ZNF24: variants seen among roughly 807,000 people sequenced by gnomAD.
ZNF24 encodes retinoic acid suppression protein A.
A neutral mutation model predicts 40.9 loss-of-function variants in ZNF24; 11 were observed. The observed-to-expected ratio is 0.27, with a 90% CI of 0.17 to 0.45. ZNF24 has a LOEUF of 0.45. Ranked by LOEUF, ZNF24 falls within the 20% of genes least tolerant of loss-of-function variation. ZNF24 has a pLI of 1.00. For synonymous variants in ZNF24, 139 were observed against 154.7 expected (o/e 0.90, Z 0.75); for missense variants, 293 against 437.7 (o/e 0.67, Z 2.95).
Position 35,340,345 on chromosome 18 carries a change from G to A in ZNF24, c.306C>T (p.Ala102=), listed in dbSNP as rs759113510. The change falls in exon 2 of 4, where the codon GCC becomes GCT. Residue 102 remains alanine, a synonymous_variant. Coordinates refer to ENST00000261332, the MANE Select transcript of ZNF24 (RefSeq NM_006965.4). The surrounding 1 kb of genome is among the most constrained non-coding windows in gnomAD (Gnocchi z 4.6). ...AAGTCTGTAGCTCTTTGGGTAGGAT[G>A]GCAACAAACTGCTCCAGCACTACCA... ...LELVVLEQFV[A]ILPKELQTWV... is the part of the protein sequence containing the mutation. 2 of 1,614,182 alleles carry A rather than the reference G, an allele frequency of 1.2e-6. No homozygotes were observed. The highest frequency in any genetic ancestry group is 1.7e-6 in the Non-Finnish European group (2 of 1,180,022).
chr18:35,338,429 A>T, intron 3 of ZNF24: 2 of 985,462 alleles, frequency 2.0e-6, no homozygotes, highest in Non-Finnish European at 2.4e-6. Flanking sequence ...GGTACTTAGA[A>T]AAATCGTTAT....
rs2143844926 is a variant in ZNF24 at position 35,334,508 on chromosome 18, GTATGAC to G, written c.*2718_*2723del. ...TTGCTAAAGATCAAGTACCAACTGG[GTATGAC>G]TACAGAGAGCTTAACCTCCAAGAAA... is the stretch of plus-strand genomic sequence containing the variant. On this transcript the variant is annotated 3_prime_UTR_variant, in exon 4 of 4. Transcript: ENST00000261332. 6.6e-6 allele frequency: 1 copy of G among 152,238 alleles called. No homozygotes were observed. The highest frequency in any genetic ancestry group is 1.9e-4 in the East Asian group (1 of 5,180). The allele number at this position is 152,238 out of a possible 1,614,324, so 9.4% of individuals were successfully genotyped here.
Position 35,332,367 on chromosome 18 carries a change from A to T in ZNF24, c.*4865T>A, listed in dbSNP as rs1055166917. 1.3e-5 allele frequency: 2 copies of T among 152,244 alleles called. No individual in the cohort carries two copies. The highest frequency in any genetic ancestry group is 2.4e-5 in the African/African-American group (1 of 41,462). The allele number at this position is 152,244 out of a possible 1,614,324, so 9.4% of individuals were successfully genotyped here. ...AACAGAAACTCAATTCAATTATCTT[A>T]AACAAGAAAGGGACTTTATTGGCTC... is the stretch of plus-strand genomic sequence containing the variant. On this transcript the variant is annotated 3_prime_UTR_variant, in exon 4 of 4. Transcript: ENST00000261332.
chr18:35,339,100 T>C, intron 3 of ZNF24: 1 of 1,500,364 alleles, frequency 6.7e-7, no homozygotes, highest in Non-Finnish European at 9.0e-7. Flanking sequence ...CAAAATTTCA[T>C]TTTAGTTCAC....
rs1292036137 is a variant in ZNF24, at chr18:35,340,857, A to AGGAATTG, written c.-83-131_-83-125dup. On this transcript the variant is annotated intron_variant, in intron 1 of 3. Transcript: ENST00000261332. The surrounding 1 kb of genome is among the most constrained non-coding windows in gnomAD (Gnocchi z 4.6). ...AAAATTCCAATCAATAACCTACACCAGGAATTGGCAAACTACAGCTTCACG... is the reference window on the plus strand; with the variant it reads ...AAAATTCCAATCAATAACCTACACCAGGAATTGGGAATTGGCAAACTACAGCTTCACG... 64 of 539,196 alleles carry AGGAATTG rather than the reference A, an allele frequency of 1.2e-4. No homozygotes were observed. The Middle Eastern group carries it at 2.0e-3, about 17-fold the overall frequency. 33.4% of individuals were successfully genotyped at this position (539,196 alleles called of 1,614,324 possible).
intron 1 of ZNF24, among the ~76,000 whole-genome samples, chr18:35,343,030 CTTTA>C (rs1279715549): frequency 6.6e-6 from 1 of 152,064 alleles, no homozygotes; most frequent in Non-Finnish European, 1.5e-5. Flanking sequence ...GGAAGGTTCG[CTTTA>C]TTATTATGTG....
chr18:35,339,728 A>G, intron 3 of ZNF24, 101 bp downstream of exon 3: 2 of 1,079,262 alleles, frequency 1.9e-6, no homozygotes, highest in Non-Finnish European at 2.6e-6. Flanking sequence ...TATTAGATTA[A>G]GAGTGATATG....
Position 35,340,299 on chromosome 18 carries a change from C to G in ZNF24, c.352G>C (p.Glu118Gln), listed in dbSNP as rs1020119808. 1.2e-6 allele frequency: 2 copies of G among 1,614,236 alleles called. No individual in the cohort carries two copies. Among genetic ancestry groups the G allele is most frequent in the Non-Finnish European group, 1.7e-6 (2 of 1,180,030 alleles). ...ACTGTCACTGCCTCCTCTCCATTCT[C>G]TGGATGATGATCTCGAACCCAAGTC... is the stretch of plus-strand genomic sequence containing the variant. ...LQTWVRDHHP[E>Q]NGEEAVTVLE... The change falls in exon 2 of 4, where the codon GAG (glutamate) becomes CAG (glutamine). Residue 118 changes from glutamate to glutamine, a missense_variant. Coordinates refer to ENST00000261332, the MANE Select transcript of ZNF24 (RefSeq NM_006965.4). This position sits in a 1 kb window ranked among gnomAD's most constrained non-coding sequence, Gnocchi z 4.6.
chr18:35,340,207 A>G lies in ZNF24; in HGVS notation c.420+24T>C. On this transcript the variant is annotated intron_variant, in intron 2 of 3. Transcript: ENST00000261332. The surrounding 1 kb of genome is among the most constrained non-coding windows in gnomAD (Gnocchi z 4.6). ...CTACCTATGCCAGTGCTTCTGACAC[A>G]GGAAATGACACAAGCAGGCTCACCG... is the stretch of plus-strand genomic sequence containing the variant. 2 of 1,603,010 alleles carry G rather than the reference A, an allele frequency of 1.2e-6. No homozygotes were observed. Among genetic ancestry groups the G allele is most frequent in the Non-Finnish European group, 1.7e-6 (2 of 1,171,520 alleles).
chr18:35,338,904 GCA>G, intron 3 of ZNF24: 1 of 1,429,218 alleles, frequency 7.0e-7, no homozygotes, highest in Non-Finnish European at 9.1e-7. Context: ...AAACTTTATT[GCA>G]CAGAAGAATG....
chr18:35,338,817 A>G, intron 3 of ZNF24: 1 of 1,344,388 alleles, frequency 7.4e-7, no homozygotes, highest in Non-Finnish European at 9.5e-7. Flanking sequence ...TAAGGAACGC[A>G]GGTGAAAAGT....
In ZNF24 at chr18:35,337,742, T is replaced by A. The variant is rs771986999; in HGVS notation, c.597A>T (p.Ala199=). The A allele has an allele frequency of 2.5e-6, 4 of 1,597,172 alleles. No individual in the cohort carries two copies. The highest frequency in any genetic ancestry group is 3.4e-6 in the Non-Finnish European group (4 of 1,173,930). Residue 199 remains alanine (A), a synonymous_variant, in exon 4 of 4, where the codon GCA becomes GCT. Transcript: ENST00000261332. The part of the protein sequence containing the change: ...CDDDGRTENG[A]LAPKQELPSA... ...AAGGAAGCTCCTGCTTTGGAGCTAG[T>A]GCTCCATTTTCAGTCCTACCATCAT...
intron 3 of ZNF24, chr18:35,338,244 C>T: frequency 1.0e-6 from 1 of 985,766 alleles, no homozygotes; most frequent in Non-Finnish European, 1.2e-6. Flanking sequence ...CAAGCCAAGT[C>T]AGGTCACAGC....
Position 35,340,571 on chromosome 18 carries a change from T to G in ZNF24, c.80A>C (p.Lys27Thr), listed in dbSNP as rs181928710. 6.2e-7 allele frequency: 1 copy of G among 1,614,198 alleles called. No homozygotes were observed. Among genetic ancestry groups the G allele is most frequent in the Admixed American group, 1.7e-5 (1 of 60,024 alleles). ...TTCGCCATCAGGATCCTCCTCCAAC[T>G]TCACTCTCAGAATTTTTTCCTCTTC... ...PDEEEKILRVKLEEDPDGEEG... is the reference protein window; with the variant it reads ...PDEEEKILRVTLEEDPDGEEG... The change falls in exon 2 of 4, where the codon AAG (lysine) becomes ACG (threonine). Residue 27 changes from lysine to threonine, a missense_variant. Transcript: ENST00000261332. The surrounding 1 kb of genome is among the most constrained non-coding windows in gnomAD (Gnocchi z 4.6).
chr18:35,335,353 A>G lies in ZNF24; in HGVS notation c.*1879T>C, dbSNP rs1031333503. 2 of 152,216 alleles carry G rather than the reference A, an allele frequency of 1.3e-5. No individual in the cohort carries two copies. Among genetic ancestry groups the G allele is most frequent in the African/African-American group, 4.8e-5 (2 of 41,456 alleles). The allele number at this position is 152,216 out of a possible 1,614,324, so 9.4% of individuals were successfully genotyped here. On this transcript the variant is annotated 3_prime_UTR_variant, in exon 4 of 4. Transcript: ENST00000261332. ...TTAAAATACATTATATCATTACTAC[A>G]TATTTATACTTCAATAAATCTTAAT...
Position 35,340,514 on chromosome 18 carries a change from G to C in ZNF24, c.137C>G (p.Pro46Arg), listed in dbSNP as rs374877566. Residue 46 changes from proline to arginine, a missense_variant, in exon 2 of 4, where the codon CCA becomes CGA. Physicochemically the swap from Pro to Arg is moderately radical, Grantham distance 103. Coordinates refer to ENST00000261332, the MANE Select transcript of ZNF24 (RefSeq NM_006965.4). The surrounding 1 kb of genome is among the most constrained non-coding windows in gnomAD (Gnocchi z 4.6). The part of the protein sequence containing the change: ...EGSSIPWNHL[P>R]DPEIFRQRFR... The stretch of plus-strand genomic sequence containing the variant: ...TCGCTGTCGGAAAATCTCTGGGTCT[G>C]GGAGATGGTTCCAGGGGATACTTGA... The C allele has an allele frequency of 5.6e-6, 9 of 1,614,100 alleles. No individual in the cohort carries two copies. The highest frequency in any genetic ancestry group is 7.6e-6 in the Non-Finnish European group (9 of 1,180,044).
intron 3 of ZNF24, chr18:35,338,875 A>G (rs1474902680): frequency 1.5e-6 from 2 of 1,379,110 alleles, no homozygotes; most frequent in Non-Finnish European, 1.9e-6. Context: ...AGCCCCATAT[A>G]TCAAGAATGA....
Position 35,341,871 on chromosome 18 carries a change from A to G in ZNF24, c.-83-1138T>C, listed in dbSNP as rs186737884. ...TGCATTCCAGCCTGGGCAACAGAGT[A>G]TGACCCTGTCTCTAAAAAATGAATT... On this transcript the variant is annotated intron_variant, in intron 1 of 3. Transcript: ENST00000261332. Among the ~76,000 whole-genome samples, 6 of 152,156 alleles carry G rather than the reference A, an allele frequency of 3.9e-5. No homozygotes were observed. The East Asian group carries it at 1.2e-3, about 29-fold the overall frequency.
rs1163057060 is a variant in ZNF24 at position 35,333,145 on chromosome 18, G to C, written c.*4087C>G. 1 of 152,046 alleles carries C rather than the reference G, an allele frequency of 6.6e-6. No homozygotes were observed. The highest frequency in any genetic ancestry group is 2.4e-5 in the African/African-American group (1 of 41,388). The allele number at this position is 152,046 out of a possible 1,614,324, so 9.4% of individuals were successfully genotyped here. On this transcript the variant is annotated 3_prime_UTR_variant, in exon 4 of 4. Coordinates refer to ENST00000261332, the MANE Select transcript of ZNF24 (RefSeq NM_006965.4). ...AGAAATATTCACACACATGCACAAA[G>C]ACATCTGAATAGGATGTTTACTTTG...
Sources: allele counts gnomAD v4.1 joint callset (sites outside exome capture counted in the v4.1 genomes callset), GRCh38; gene constraint gnomAD v4.1.1; non-coding constraint Gnocchi (gnomAD v3.1); transcripts MANE v1.5; gene names NCBI Gene and HGNC (gene_info 2026-07-23, HGNC 2026-07-21).